Variants in PRPSAP2 observed in about 807,000 individuals in gnomAD.
PRPSAP2 encodes the protein phosphoribosyl pyrophosphate synthase-associated protein 2.
Under a neutral mutation model 40.6 loss-of-function variants are expected in PRPSAP2, and 24 were observed. The ratio of observed to expected loss-of-function variants is 0.59; its 90% CI spans 0.43 to 0.83. PRPSAP2 has a LOEUF of 0.83. PRPSAP2 is among the 40% of genes least tolerant of loss of function. The pLI is 0.00. For synonymous variants in PRPSAP2, 149 were observed against 164.7 expected, an observed-to-expected ratio of 0.90 and a Z score of 0.73; for missense variants, 292 against 465.6, an observed-to-expected ratio of 0.63 and a Z score of 3.43.
At chr17:18,905,791 C>T (rs1417485936) in intron 8 of PRPSAP2, among the ~76,000 whole-genome samples, 4 of 152,190 alleles carry the variant, frequency 2.6e-5, no homozygotes, top group South Asian at 2.1e-4. Flanking sequence ...CCATGTTGGT[C>T]AGGCTGGCCC....
In PRPSAP2 at chr17:18,885,403, C is replaced by CAAAA. The variant is rs775079199; in HGVS notation, c.528+2743_528+2746dup. Among the ~76,000 whole-genome samples the CAAAA allele has an allele frequency of 5.9e-3, 64 of 10,862 alleles. 11 individuals are homozygous for CAAAA. Among genetic ancestry groups the CAAAA allele is most frequent in the Middle Eastern group, 0.062 (1 of 16 alleles). 7.1% of individuals were successfully genotyped at this position (10,862 alleles called of 152,430 possible). ...GGCGACAGAGTGAGATTCCTTCTCA[C>CAAAA]AAAAAAAAAAAAAAAAAAAAAAAAA... On this transcript the variant is annotated intron_variant, in intron 7 of 11. Coordinates refer to ENST00000268835, the MANE Select transcript of PRPSAP2 (RefSeq NM_002767.4).
chr17:18,879,605 C>T (rs1239696914), intron 6 of PRPSAP2, among the ~76,000 whole-genome samples: 3 of 152,040 alleles, frequency 2.0e-5, no homozygotes, highest in Non-Finnish European at 4.4e-5. Flanking sequence ...TGGCGCCCAC[C>T]ACCACGCCTG....
rs2041641288 is a variant in PRPSAP2 at position 18,920,679 on chromosome 17, G to A, written c.734-3235G>A. Among the ~76,000 whole-genome samples, 2 of 151,952 alleles carry A rather than the reference G, an allele frequency of 1.3e-5. 1 individual carries two copies. Among genetic ancestry groups the A allele is most frequent in the South Asian group, 4.1e-4 (2 of 4,828 alleles). On this transcript the variant is annotated intron_variant, in intron 9 of 11. Transcript: ENST00000268835. ...AGTATTAGATTTTAAAAATTATTTT[G>A]TATCCTCTGATTTCTTATAGATGAA...
At chr17:18,863,947 C>T (rs2037242381) in intron 1 of PRPSAP2, among the ~76,000 whole-genome samples, 2 of 148,426 alleles carry the variant, frequency 1.3e-5, no homozygotes, top group South Asian at 2.1e-4. Flanking sequence ...TTAAGCGATT[C>T]TCCTGCCTCA....
rs768099409 is a variant in PRPSAP2, at chr17:18,889,818, A to G, written c.529-4A>G. On this transcript the variant is annotated splice_polypyrimidine_tract_variant and splice_region_variant and intron_variant, in intron 7 of 11. Transcript: ENST00000268835. Reference sequence around the variant, plus strand: ...AGTAATACCTGACTTCTTGTCTGTCACAGATCCCAGATTACAGGAATGCAG... The same window carrying G: ...AGTAATACCTGACTTCTTGTCTGTCGCAGATCCCAGATTACAGGAATGCAG... The G allele has an allele frequency of 1.2e-6, 2 of 1,606,868 alleles. No homozygotes were observed. The highest frequency in any genetic ancestry group is 2.7e-5 in the African/African-American group (2 of 74,654).
intron 8 of PRPSAP2, among the ~76,000 whole-genome samples, chr17:18,892,748 T>TATTTATTTA (rs71155367): frequency 3.1e-4 from 47 of 149,644 alleles, no homozygotes; most frequent in African/African-American, 8.4e-4. Context: ...TTTATTTATT[T>TATTTATTTA]TTTTGAGACA....
intron 8 of PRPSAP2, among the ~76,000 whole-genome samples, chr17:18,907,195 A>G (rs1246386268): frequency 2.0e-5 from 3 of 152,138 alleles, no homozygotes; most frequent in Admixed American, 1.3e-4. Flanking sequence ...TTTACCATGC[A>G]TTAGGTGCTG....
chr17:18,900,931 C>G lies in PRPSAP2; in HGVS notation c.585-10172C>G, dbSNP rs371591211. 4.3e-4 allele frequency among the ~76,000 whole-genome samples: 65 copies of G among 152,266 alleles called. 1 individual carries two copies. The highest frequency in any genetic ancestry group is 1.4e-3 in the African/African-American group (60 of 41,544). The stretch of plus-strand genomic sequence containing the variant: ...AAGTCCAGATTTCACTCTCCACTGA[C>G]TCTGGCAGTTGCTCCTTACTGCTGA... On this transcript the variant is annotated intron_variant, in intron 8 of 11. Coordinates refer to ENST00000268835, the MANE Select transcript of PRPSAP2 (RefSeq NM_002767.4).
chr17:18,856,732 C>T (rs563374068), upstream of PRPSAP2, among the ~76,000 whole-genome samples: 7 of 152,240 alleles, frequency 4.6e-5, no homozygotes, highest in Admixed American at 3.9e-4. Context: ...TGGTGCAAAG[C>T]CTCCTGGGTC....
chr17:18,858,854 C>T (rs896294011), intron 1 of PRPSAP2, among the ~76,000 whole-genome samples: 1 of 103,470 alleles, frequency 9.7e-6, no homozygotes, highest in Non-Finnish European at 2.2e-5. Context: ...GGCTTTGGGG[C>T]TTGAGGTGTG....
At chr17:18,895,424 G>A (rs1304939114) in intron 8 of PRPSAP2, among the ~76,000 whole-genome samples, 1 of 151,282 alleles carries the variant, frequency 6.6e-6, no homozygotes, top group Non-Finnish European at 1.5e-5. Context: ...CATTTCTTTG[G>A]GTATCCCTTA....
chr17:18,882,518 A>AC, intron 6 of PRPSAP2, 50 bp from the exon 7 acceptor site: 1 of 1,295,502 alleles, frequency 7.7e-7, no homozygotes, highest in Non-Finnish European at 1.1e-6. Flanking sequence ...CTTAAAAAAA[A>AC]AAAACAAAAA....
At chr17:18,860,096 G>A (rs2036890416) in intron 1 of PRPSAP2, among the ~76,000 whole-genome samples, 1 of 151,136 alleles carries the variant, frequency 6.6e-6, no homozygotes, top group South Asian at 2.1e-4. Flanking sequence ...GTCTTGCTCT[G>A]TTGCCCAGGT....
chr17:18,929,931 A>G (rs1292388128), intron 11 of PRPSAP2: 4 of 152,342 alleles, frequency 2.6e-5, no homozygotes, highest in African/African-American at 9.6e-5. Flanking sequence ...AGGAGCTGCC[A>G]GACTGTTTTT....
At chr17:18,865,142 A>G (rs937949549) in intron 1 of PRPSAP2, among the ~76,000 whole-genome samples, 1 of 152,084 alleles carries the variant, frequency 6.6e-6, no homozygotes, top group African/African-American at 2.4e-5. Flanking sequence ...ACCACATCTG[A>G]CCAGCACTGA....
intron 7 of PRPSAP2, among the ~76,000 whole-genome samples, chr17:18,883,852 G>T (rs572017791): frequency 2.0e-5 from 3 of 152,060 alleles, no homozygotes; most frequent in African/African-American, 7.2e-5. Flanking sequence ...AGAATACAGG[G>T]CTTCCCCATT....
chr17:18,899,691 G>A (rs2040149654), intron 8 of PRPSAP2, among the ~76,000 whole-genome samples: 1 of 151,190 alleles, frequency 6.6e-6, no homozygotes, highest in South Asian at 2.1e-4. Context: ...ACCGTGTCTT[G>A]CGAATTTATT....
chr17:18,907,596 C>T (rs1028745667), intron 8 of PRPSAP2, among the ~76,000 whole-genome samples: 3 of 152,116 alleles, frequency 2.0e-5, no homozygotes, highest in Admixed American at 2.0e-4. Flanking sequence ...GAATGTAGTT[C>T]TTTTTTAGTA....
intron 8 of PRPSAP2, among the ~76,000 whole-genome samples, chr17:18,905,321 C>T (rs576300354): frequency 3.6e-4 from 54 of 151,928 alleles, no homozygotes; most frequent in Admixed American, 8.5e-4. Context: ...CCACCGCACC[C>T]GGCCATGATT....
Sources: allele counts gnomAD v4.1 joint callset (sites outside exome capture counted in the v4.1 genomes callset), GRCh38; gene constraint gnomAD v4.1.1; transcripts MANE v1.5; gene names NCBI Gene and HGNC (gene_info 2026-07-23, HGNC 2026-07-21).